Variants in SNTB1 observed in about 807,000 individuals in gnomAD.
The protein encoded by SNTB1 is beta-1-syntrophin.
SNTB1 carries 36 observed loss-of-function variants against 48.9 expected under a neutral mutation model. The ratio of observed to expected loss-of-function variants is 0.74; its 90% CI spans 0.56 to 0.97. The LOEUF is 0.97. SNTB1 is among the 50% of genes least tolerant of loss of function. The pLI, the probability that SNTB1 is intolerant of heterozygous loss-of-function variation, is 0.00. For missense variants in SNTB1, 786 were observed against 703.4 expected (o/e 1.12, Z -1.33); for synonymous variants, 299 against 294.6 (o/e 1.01, Z -0.15).
At chr8:120,656,767 T>C (rs1419037966) in intron 2 of SNTB1, among the ~76,000 whole-genome samples, 1 of 152,218 alleles carries the variant, frequency 6.6e-6, no homozygotes, top group African/African-American at 2.4e-5. Flanking sequence ...AAATGTTTGA[T>C]GCCCAGTTAA....
intron 1 of SNTB1, among the ~76,000 whole-genome samples, chr8:120,695,211 C>G (rs914629218): frequency 2.6e-5 from 4 of 152,306 alleles, no homozygotes; most frequent in Non-Finnish European, 2.9e-5. Flanking sequence ...TGAGAGCCAA[C>G]TAGGGGGCAT....
chr8:120,565,667 G>T (rs1451323731), intron 4 of SNTB1, among the ~76,000 whole-genome samples: 1 of 152,238 alleles, frequency 6.6e-6, no homozygotes, highest in East Asian at 1.9e-4. Flanking sequence ...GACAGCCTTA[G>T]AACTGATCCA....
At chr8:120,710,446 T>G (rs1818443872) in intron 1 of SNTB1, among the ~76,000 whole-genome samples, 1 of 152,216 alleles carries the variant, frequency 6.6e-6, no homozygotes, top group Non-Finnish European at 1.5e-5. Flanking sequence ...TGTTAACATG[T>G]AACGCACAAA....
chr8:120,632,367 G>T, intron 3 of SNTB1, 77 bp downstream of exon 3: 2 of 1,290,498 alleles, frequency 1.5e-6, no homozygotes, highest in Non-Finnish European at 2.2e-6. Flanking sequence ...CCTATGGGAT[G>T]AGATAGTTTT....
chr8:120,787,189 C>T (rs1010989990), intron 1 of SNTB1, among the ~76,000 whole-genome samples: 3 of 151,846 alleles, frequency 2.0e-5, no homozygotes, highest in African/African-American at 7.3e-5. Context: ...ATTAAAGTCA[C>T]ATCCTCAAGA....
intron 1 of SNTB1, among the ~76,000 whole-genome samples, chr8:120,774,467 C>T (rs1587151737): frequency 6.6e-6 from 1 of 152,160 alleles, no homozygotes; most frequent in African/African-American, 2.4e-5. Context: ...ACAGATCTCC[C>T]TGGCAGCTGT....
chr8:120,646,844 C>G (rs1233373141), intron 2 of SNTB1, among the ~76,000 whole-genome samples: 1 of 152,060 alleles, frequency 6.6e-6, no homozygotes, highest in Non-Finnish European at 1.5e-5. Context: ...AACTTCAGCT[C>G]CTGTTATTGG....
At chr8:120,783,830 ACC>A (rs1348575782) in intron 1 of SNTB1, among the ~76,000 whole-genome samples, 2 of 152,228 alleles carry the variant, frequency 1.3e-5, no homozygotes, top group Non-Finnish European at 1.5e-5. Flanking sequence ...AAATTTTTTT[ACC>A]AATAAAATTA....
At chr8:120,675,230 T>G (rs1040428939) in intron 2 of SNTB1, among the ~76,000 whole-genome samples, 1 of 152,116 alleles carries the variant, frequency 6.6e-6, no homozygotes, top group Non-Finnish European at 1.5e-5. Context: ...TTAAGAACTA[T>G]ATAAAGTGAG....
intron 2 of SNTB1, among the ~76,000 whole-genome samples, chr8:120,647,002 G>A (rs1369327038): frequency 7.9e-5 from 12 of 151,722 alleles, no homozygotes; most frequent in Non-Finnish European, 1.0e-4. Flanking sequence ...CTGTGGGATC[G>A]ATGGTGATAT....
At chr8:120,638,610 A>C (rs1285873529) in intron 2 of SNTB1, among the ~76,000 whole-genome samples, 1 of 151,796 alleles carries the variant, frequency 6.6e-6, no homozygotes, top group African/African-American at 2.4e-5. Flanking sequence ...CCTGTGTCCA[A>C]GTGTTCTTAT....
intron 3 of SNTB1, among the ~76,000 whole-genome samples, chr8:120,621,908 A>G (rs572665636): frequency 2.0e-4 from 31 of 152,126 alleles, no homozygotes; most frequent in Non-Finnish European, 4.3e-4. Context: ...TGAACCAATA[A>G]TGTGAATTGT....
chr8:120,790,224 C>G (rs1820004857), intron 1 of SNTB1, among the ~76,000 whole-genome samples: 1 of 151,700 alleles, frequency 6.6e-6, no homozygotes, highest in Non-Finnish European at 1.5e-5. Context: ...ACTAGACATA[C>G]AAGGAATATA....
At position 120,675,087 on chromosome 8, in the gene SNTB1, C is replaced by G. The variant is rs114626251; in HGVS notation, c.788+18605G>C. Among the ~76,000 whole-genome samples the G allele has an allele frequency of 7.3e-3, 1,116 of 152,260 alleles. 18 individuals carry two copies. The highest frequency in any genetic ancestry group is 0.026 in the African/African-American group (1,064 of 41,538). ...AAAGCAACAGCTAAAATTGCAGTAA[C>G]AAATAACACTTTTCACATGTTTTAA... On this transcript the variant is annotated intron_variant, in intron 2 of 6. Coordinates refer to ENST00000517992, the MANE Select transcript of SNTB1 (RefSeq NM_021021.4).
chr8:120,808,203 G>A (rs1306170967), intron 1 of SNTB1, among the ~76,000 whole-genome samples: 1 of 152,126 alleles, frequency 6.6e-6, no homozygotes, highest in Non-Finnish European at 1.5e-5. Flanking sequence ...GTGAGCTACC[G>A]TACCGGCCAC....
rs193261284 is a variant in SNTB1 at position 120,642,794 on chromosome 8, C to A, written c.789-10143G>T. 5.3e-3 allele frequency among the ~76,000 whole-genome samples: 812 copies of A among 152,224 alleles called. 10 individuals carry two copies. The highest frequency in any genetic ancestry group is 5.1e-3 in the Non-Finnish European group (348 of 68,018). Reference sequence around the variant, plus strand: ...AGGCATGGTGGTGCACACCTGTAGTCCCAGCTACTCAGGAGGCTGAGGTGG... The same window carrying A: ...AGGCATGGTGGTGCACACCTGTAGTACCAGCTACTCAGGAGGCTGAGGTGG... On this transcript the variant is annotated intron_variant, in intron 2 of 6. Transcript: ENST00000517992.
chr8:120,724,638 A>G (rs1478599114), intron 1 of SNTB1, among the ~76,000 whole-genome samples: 6 of 152,134 alleles, frequency 3.9e-5, no homozygotes, highest in Non-Finnish European at 8.8e-5. Flanking sequence ...GACCTTTGGA[A>G]ACTACATTTG....
chr8:120,788,497 C>G (rs769259003), intron 1 of SNTB1, among the ~76,000 whole-genome samples: 3 of 151,974 alleles, frequency 2.0e-5, no homozygotes. Context: ...AGAGATACAA[C>G]TAACATGTAA....
In SNTB1 at chr8:120,752,581, T is replaced by C. The variant is rs148402851; in HGVS notation, c.572-58673A>G. ...GGAAAACTGGACAAGAAAACTGTGA[T>C]ACAATGTTATTCCATACACACTACA... On this transcript the variant is annotated intron_variant, in intron 1 of 6. Coordinates refer to ENST00000517992, the MANE Select transcript of SNTB1 (RefSeq NM_021021.4). 1.1e-4 allele frequency among the ~76,000 whole-genome samples: 16 copies of C among 152,246 alleles called. No homozygotes were observed. The East Asian group carries it at 1.9e-3, about 18-fold the overall frequency.
Sources: allele counts gnomAD v4.1 joint callset (sites outside exome capture counted in the v4.1 genomes callset), GRCh38; gene constraint gnomAD v4.1.1; transcripts MANE v1.5; gene names NCBI Gene and HGNC (gene_info 2026-07-23, HGNC 2026-07-21).